Variants in CDK6 observed in about 807,000 individuals in gnomAD.
The protein encoded by CDK6 is cyclin-dependent kinase 6.
A neutral mutation model predicts 37.1 loss-of-function variants in CDK6; 6 were observed. The observed-to-expected ratio is 0.16, with a 90% CI of 0.09 to 0.32. The LOEUF (loss-of-function observed/expected upper bound fraction) is 0.32, where lower values mean the gene tolerates loss of function less well. Ranked by LOEUF, CDK6 falls within the 10% of genes least tolerant of loss-of-function variation. The pLI is 1.00. For missense variants in CDK6, 224 were observed against 418.9 expected, an observed-to-expected ratio of 0.53 and a Z score of 4.06; for synonymous variants, 160 against 161.3, an observed-to-expected ratio of 0.99 and a Z score of 0.06.
chr7:92,759,747 A>T (rs1799408942), intron 3 of CDK6, among the ~76,000 whole-genome samples: 1 of 151,730 alleles, frequency 6.6e-6, no homozygotes, highest in Non-Finnish European at 1.5e-5. Context: ...AAAACCATAC[A>T]CACAAATTCC....
intron 5 of CDK6, 106 bp downstream of exon 5, chr7:92,671,320 G>A: frequency 1.6e-6 from 1 of 639,810 alleles, no homozygotes; most frequent in Non-Finnish European, 2.5e-6. Flanking sequence ...GATGGATCTG[G>A]CCATCATGAC....
intron 4 of CDK6, among the ~76,000 whole-genome samples, chr7:92,671,823 G>A (rs751883792): frequency 6.6e-6 from 1 of 151,674 alleles, no homozygotes; most frequent in Non-Finnish European, 1.5e-5. Context: ...TTTAAACTTA[G>A]AAACCGTTTT....
chr7:92,781,842 A>C (rs1800000941), intron 2 of CDK6, among the ~76,000 whole-genome samples: 1 of 152,252 alleles, frequency 6.6e-6, no homozygotes, highest in Non-Finnish European at 1.5e-5. Flanking sequence ...TCCTCCTCTT[A>C]AGTGCATGAA....
chr7:92,804,133 A>T (rs1279896005), intron 2 of CDK6, among the ~76,000 whole-genome samples: 1 of 152,190 alleles, frequency 6.6e-6, no homozygotes, highest in African/African-American at 2.4e-5. Flanking sequence ...GAGATGAGGC[A>T]ATGCATTCAT....
chr7:92,672,224 C>CACACACACACAT (rs2116606399), intron 4 of CDK6, among the ~76,000 whole-genome samples: 1 of 142,614 alleles, frequency 7.0e-6, no homozygotes, highest in East Asian at 2.0e-4. Flanking sequence ...CACACACACA[C>CACACACACACAT]ACACACACAC....
At chr7:92,631,915 A>G (rs1379930385) in intron 5 of CDK6, among the ~76,000 whole-genome samples, 3 of 152,204 alleles carry the variant, frequency 2.0e-5, no homozygotes, top group Non-Finnish European at 4.4e-5. Context: ...TCAAAGCAAC[A>G]TTGATACAAG....
intron 2 of CDK6, among the ~76,000 whole-genome samples, chr7:92,786,724 T>A (rs1010297740): frequency 6.7e-6 from 1 of 149,538 alleles, no homozygotes; most frequent in Non-Finnish European, 1.5e-5. Context: ...ATATATGATA[T>A]ATAATGTATA....
chr7:92,811,751 GA>G (rs1459764733), intron 2 of CDK6, among the ~76,000 whole-genome samples: 10 of 152,222 alleles, frequency 6.6e-5, no homozygotes, highest in African/African-American at 2.2e-4. Context: ...ATTAGAATTT[GA>G]AGATTTTGTC....
intron 5 of CDK6, among the ~76,000 whole-genome samples, chr7:92,659,607 GACACACAC>G (rs71722069): frequency 1.0e-3 from 152 of 146,096 alleles, no homozygotes; most frequent in Non-Finnish European, 1.9e-3. Context: ...AAGTAGGCAT[GACACACAC>G]ACACACACAC....
At chr7:92,810,944 T>C (rs765636572) in intron 2 of CDK6, among the ~76,000 whole-genome samples, 2 of 151,928 alleles carry the variant, frequency 1.3e-5, no homozygotes, top group Admixed American at 6.6e-5. Context: ...TGCGTGCCTG[T>C]AGTCCCAGCT....
At chr7:92,718,618 T>C (rs1798291682) in intron 4 of CDK6, among the ~76,000 whole-genome samples, 1 of 152,172 alleles carries the variant, frequency 6.6e-6, no homozygotes, top group African/African-American at 2.4e-5. Flanking sequence ...CAAGCACGAA[T>C]TGCATGACGC....
intron 5 of CDK6, among the ~76,000 whole-genome samples, chr7:92,664,388 A>G (rs945593720): frequency 6.6e-6 from 1 of 152,130 alleles, no homozygotes; most frequent in Admixed American, 6.5e-5. Flanking sequence ...CATTTCCTGG[A>G]TGTCACTAGG....
At chr7:92,737,242 T>C (rs954695840) in intron 3 of CDK6, among the ~76,000 whole-genome samples, 1 of 152,236 alleles carries the variant, frequency 6.6e-6, no homozygotes, top group Non-Finnish European at 1.5e-5. Flanking sequence ...CCAGTTAGTA[T>C]GTGGATAGCC....
chr7:92,636,866 T>C (rs1407162166), intron 5 of CDK6, among the ~76,000 whole-genome samples: 2 of 152,150 alleles, frequency 1.3e-5, no homozygotes, highest in Non-Finnish European at 2.9e-5. Context: ...GGTTTTGCCA[T>C]GTTAGCCAGG....
intron 5 of CDK6, among the ~76,000 whole-genome samples, chr7:92,669,287 C>A (rs1471192794): frequency 6.6e-6 from 1 of 152,212 alleles, no homozygotes; most frequent in Admixed American, 6.5e-5. Context: ...GACCACTTAT[C>A]ACTTCAGTGG....
intron 2 of CDK6, among the ~76,000 whole-genome samples, chr7:92,795,903 C>T (rs1372446318): frequency 1.3e-5 from 2 of 152,016 alleles, no homozygotes; most frequent in African/African-American, 4.8e-5. Flanking sequence ...ACTAGTGTTT[C>T]TTAGCTGTTA....
At chr7:92,814,765 ACAGAAATAAG>A (rs972921279) in intron 2 of CDK6, among the ~76,000 whole-genome samples, 2 of 152,114 alleles carry the variant, frequency 1.3e-5, no homozygotes, top group African/African-American at 4.8e-5. Context: ...CTGAAAATAA[ACAGAAATAAG>A]GTGATGGAAG....
At chr7:92,727,441 T>A (rs1050430133) in intron 3 of CDK6, among the ~76,000 whole-genome samples, 1 of 152,216 alleles carries the variant, frequency 6.6e-6, no homozygotes, top group Non-Finnish European at 1.5e-5. Flanking sequence ...TTTTATAAAG[T>A]GGAGAAAGTA....
At chr7:92,635,193 T>C (rs1052068864) in intron 5 of CDK6, among the ~76,000 whole-genome samples, 3 of 152,188 alleles carry the variant, frequency 2.0e-5, no homozygotes, top group African/African-American at 7.2e-5. Flanking sequence ...AGATTAATCC[T>C]AGCTCCCTAA....
Sources: gnomAD v4.1 joint callset for allele counts (sites outside exome capture counted in the v4.1 genomes callset) on GRCh38, gnomAD v4.1.1 for gene constraint, MANE v1.5 for transcripts, NCBI Gene and HGNC (gene_info 2026-07-23, HGNC 2026-07-21) for gene names.